Variants in HIBADH observed in about 807,000 individuals in gnomAD.
HIBADH encodes 3-hydroxyisobutyrate dehydrogenase, mitochondrial.
Under a neutral mutation model 36.1 loss-of-function variants are expected in HIBADH, and 25 were observed. The ratio of observed to expected loss-of-function variants is 0.69; its 90% CI spans 0.50 to 0.97. The LOEUF (loss-of-function observed/expected upper bound fraction) is 0.97. HIBADH is among the 50% of genes least tolerant of loss of function. The pLI is 0.00. For missense variants in HIBADH, 421 were observed against 418.0 expected, an observed-to-expected ratio of 1.01 and a Z score of -0.06; for synonymous variants, 160 against 149.5, an observed-to-expected ratio of 1.07 and a Z score of -0.51.
intron 4 of HIBADH, among the ~76,000 whole-genome samples, chr7:27,593,269 T>TA (rs1215402299): frequency 6.6e-6 from 1 of 152,214 alleles, no homozygotes; most frequent in Non-Finnish European, 1.5e-5. Flanking sequence ...AAACTAGGGA[T>TA]GCTCATCCGG....
chr7:27,635,068 T>TTC (rs998214040), intron 2 of HIBADH, among the ~76,000 whole-genome samples: 2 of 139,736 alleles, frequency 1.4e-5, no homozygotes, highest in African/African-American at 5.5e-5. Context: ...CTCTCTCTCT[T>TTC]TCTCTCTCTC....
intron 5 of HIBADH, among the ~76,000 whole-genome samples, chr7:27,539,872 A>C (rs1438709378): frequency 6.6e-6 from 1 of 152,210 alleles, no homozygotes; most frequent in African/African-American, 2.4e-5. Flanking sequence ...AATGTTACTA[A>C]GGGAATCATT....
intron 1 of HIBADH, among the ~76,000 whole-genome samples, chr7:27,658,840 T>C (rs185177927): frequency 1.0e-3 from 152 of 152,318 alleles, no homozygotes; most frequent in Non-Finnish European, 1.1e-3. Context: ...CTCTATCTGC[T>C]TTACTATTAA....
rs565567080 is a variant in HIBADH at position 27,548,705 on chromosome 7, A to G, written c.485-5605T>C. The stretch of plus-strand genomic sequence containing the variant: ...TAAGGTCATGGTAGATATAAAACCT[A>G]GTCTTTGCACTCAAAAAATCCAAAA... On this transcript the variant is annotated intron_variant, in intron 4 of 7. Coordinates refer to ENST00000265395, the MANE Select transcript of HIBADH (RefSeq NM_152740.4). Among the ~76,000 whole-genome samples, 3 of 152,274 alleles carry G rather than the reference A, an allele frequency of 2.0e-5. No homozygotes were observed. The East Asian group carries it at 5.8e-4, about 29-fold the overall frequency.
chr7:27,557,159 T>A (rs1322028570), intron 4 of HIBADH, among the ~76,000 whole-genome samples: 3 of 138,076 alleles, frequency 2.2e-5, no homozygotes, highest in African/African-American at 5.5e-5. Flanking sequence ...AAAAAAAAAA[T>A]TGGCATTTTT....
At chr7:27,593,058 G>C (rs1041855512) in intron 4 of HIBADH, among the ~76,000 whole-genome samples, 1 of 151,960 alleles carries the variant, frequency 6.6e-6, no homozygotes, top group African/African-American at 2.4e-5. Flanking sequence ...ATCCACCTTA[G>C]GTAAATACTC....
rs1784096272 is a variant in HIBADH at position 27,538,344 on chromosome 7, A to T, written c.692T>A (p.Ile231Asn). 1 of 1,611,388 alleles carries T rather than the reference A, an allele frequency of 6.2e-7. No individual in the cohort carries two copies. Among genetic ancestry groups the T allele is most frequent in the Non-Finnish European group, 8.5e-7 (1 of 1,178,140 alleles). The change falls in exon 6 of 8, where the codon ATC (isoleucine) becomes AAC (asparagine). Residue 231 changes from isoleucine (I) to asparagine (N), a missense_variant. By Grantham distance (149) the Ile-to-Asn change is moderately radical (BLOSUM62 -3). Coordinates refer to ENST00000265395, the MANE Select transcript of HIBADH (RefSeq NM_152740.4). ...AAAAACGTACTATTCAACAAACCTG[A>T]TTCCAAGATTCATAGCTTCAGCAGT... ...IGTAEAMNLG[I>N]RLGLDPKLLA...
Position 27,649,627 on chromosome 7 carries a change from G to C in HIBADH, c.98C>G (p.Ser33Cys), listed in dbSNP as rs1786141913. Residue 33 changes from serine to cysteine, a missense_variant, in exon 2 of 8, where the codon TCT (serine) becomes TGT (cysteine). Coordinates refer to ENST00000265395, the MANE Select transcript of HIBADH (RefSeq NM_152740.4). ...PAAGSFAAVC[S>C]RSVASKTPVG... ...TGGAGTCTTTGAAGCCACTGACCTA[G>C]AACACACTGATTTCAATACATTATT... 6.2e-7 allele frequency: 1 copy of C among 1,600,110 alleles called. No individual in the cohort carries two copies. Among genetic ancestry groups the C allele is most frequent in the Admixed American group, 1.7e-5 (1 of 58,102 alleles).
intron 4 of HIBADH, among the ~76,000 whole-genome samples, chr7:27,607,743 GC>G (rs1198707946): frequency 3.7e-5 from 3 of 81,622 alleles, no homozygotes; most frequent in Non-Finnish European, 4.6e-5. Flanking sequence ...AAAGAATGCT[GC>G]AAAAAAAAAA....
chr7:27,539,210 T>C (rs1212852981), intron 5 of HIBADH, among the ~76,000 whole-genome samples: 1 of 151,698 alleles, frequency 6.6e-6, no homozygotes, highest in Non-Finnish European at 1.5e-5. Context: ...TTGGACAGAG[T>C]GGTAAATTTG....
rs557106755 is a variant in HIBADH, at chr7:27,588,681, AGAT to A, written c.484+40687_484+40689del. Among the ~76,000 whole-genome samples the A allele has an allele frequency of 1.6e-4, 24 of 152,342 alleles. No individual in the cohort carries two copies. The South Asian group carries it at 5.0e-3, about 32-fold the overall frequency. ...CATGAAACCATCTTATTCTCTGCTA[AGAT>A]GATTTTACTAACTCTATAATTTTGC... is the stretch of plus-strand genomic sequence containing the variant. On this transcript the variant is annotated intron_variant, in intron 4 of 7. Transcript: ENST00000265395.
intron 4 of HIBADH, among the ~76,000 whole-genome samples, chr7:27,617,068 G>A (rs889779775): frequency 1.6e-5 from 2 of 123,798 alleles, no homozygotes; most frequent in Non-Finnish European, 3.4e-5. Flanking sequence ...AATGTCCTGG[G>A]CCTTCACATT....
chr7:27,616,610 C>T (rs1262514367), intron 4 of HIBADH, among the ~76,000 whole-genome samples: 1 of 152,048 alleles, frequency 6.6e-6, no homozygotes, highest in Non-Finnish European at 1.5e-5. Context: ...TACAGGTGCA[C>T]ACCACCATGC....
chr7:27,609,983 A>C (rs1033316589), intron 4 of HIBADH, among the ~76,000 whole-genome samples: 2 of 151,766 alleles, frequency 1.3e-5, no homozygotes, highest in Non-Finnish European at 2.9e-5. Context: ...CACCCGGCTA[A>C]TTTTTATATT....
intron 1 of HIBADH, among the ~76,000 whole-genome samples, chr7:27,657,353 T>C (rs559131812): frequency 3.5e-4 from 53 of 152,234 alleles, no homozygotes; most frequent in Admixed American, 1.4e-3. Context: ...CAAGAAAGCA[T>C]GTCTATGTAC....
intron 4 of HIBADH, among the ~76,000 whole-genome samples, chr7:27,588,747 G>A (rs140655356): frequency 1.3e-5 from 2 of 152,196 alleles, no homozygotes; most frequent in East Asian, 3.9e-4. Context: ...TTCCATCTGA[G>A]CAATCAATAC....
chr7:27,561,551 TTATTAA>T (rs1232574856), intron 4 of HIBADH, among the ~76,000 whole-genome samples: 1 of 152,130 alleles, frequency 6.6e-6, no homozygotes, highest in Non-Finnish European at 1.5e-5. Context: ...GTGTGGTCAA[TTATTAA>T]TAATTTTTTG....
At position 27,598,482 on chromosome 7, in the gene HIBADH, T is replaced by C. The variant is rs572125910; in HGVS notation, c.484+30889A>G. Among the ~76,000 whole-genome samples, 11 of 152,264 alleles carry C rather than the reference T, an allele frequency of 7.2e-5. No homozygotes were observed. In the South Asian group the frequency reaches 2.1e-3, roughly 29 times the overall value. On this transcript the variant is annotated intron_variant, in intron 4 of 7. Coordinates refer to ENST00000265395, the MANE Select transcript of HIBADH (RefSeq NM_152740.4). ...AGGAATAAGAATCACAAGCATCAAT[T>C]AGAAGTACACATTATTATTGCTGGT...
chr7:27,595,906 A>T (rs1052601523), intron 4 of HIBADH, among the ~76,000 whole-genome samples: 2 of 152,160 alleles, frequency 1.3e-5, no homozygotes, highest in African/African-American at 2.4e-5. Flanking sequence ...TTTGGAGGAA[A>T]AAAAGAAAAG....
Sources: gnomAD v4.1 joint callset for allele counts (sites outside exome capture counted in the v4.1 genomes callset) on GRCh38, gnomAD v4.1.1 for gene constraint, MANE v1.5 for transcripts, NCBI Gene and HGNC (gene_info 2026-07-23, HGNC 2026-07-21) for gene names.